The following NXPE2 variants were observed in gnomAD, a reference collection of about 807,000 sequenced individuals.
The protein encoded by NXPE2 is NXPE family member 2.
Under a neutral mutation model 34.4 loss-of-function variants are expected in NXPE2, and 34 were observed. The observed-to-expected ratio is 0.99, with a 90% CI of 0.75 to 1.31. The LOEUF (loss-of-function observed/expected upper bound fraction) is 1.31, where lower values mean the gene tolerates loss of function less well. Ranked by LOEUF, NXPE2 falls within the 40% of genes most tolerant of loss-of-function variation. The pLI is 0.00. For synonymous variants in NXPE2, 235 were observed against 231.3 expected (o/e 1.02, Z -0.15); for missense variants, 649 against 672.5 (o/e 0.97, Z 0.39).
At chr11:114,771,542 G>A in the NXPE2 span, among the ~76,000 whole-genome samples, 1 of 152,112 alleles carries the variant, frequency 6.6e-6, no homozygotes, top group Admixed American at 6.5e-5. Flanking sequence ...TTGGACACAG[G>A]TCAACTGGGA....
At chr11:114,617,753 G>T in the NXPE2 span, among the ~76,000 whole-genome samples, 1 of 152,092 alleles carries the variant, frequency 6.6e-6, no homozygotes, top group African/African-American at 2.4e-5. Context: ...GGTAACCACT[G>T]TTACCATGTG....
chr11:114,621,769 A>T, the NXPE2 span, among the ~76,000 whole-genome samples: 3 of 151,748 alleles, frequency 2.0e-5, no homozygotes, highest in Admixed American at 6.6e-5. Flanking sequence ...GTATTGCCTC[A>T]TGGGTAACCA....
chr11:114,470,986 G>A, the NXPE2 span, among the ~76,000 whole-genome samples: 1 of 152,152 alleles, frequency 6.6e-6, no homozygotes, highest in Non-Finnish European at 1.5e-5. Flanking sequence ...AACCATGACA[G>A]GTTGTTTGTT....
the NXPE2 span, among the ~76,000 whole-genome samples, chr11:114,631,446 T>A: frequency 2.1e-5 from 3 of 145,270 alleles, no homozygotes; most frequent in South Asian, 6.5e-4. Flanking sequence ...CACTGCATAT[T>A]CTCACTCATA....
chr11:114,517,537 GTT>G, the NXPE2 span, among the ~76,000 whole-genome samples: 1 of 152,074 alleles, frequency 6.6e-6, no homozygotes, highest in Non-Finnish European at 1.5e-5. Context: ...TTTATTTTCT[GTT>G]TTATGTCATG....
At chr11:114,639,983 T>C in the NXPE2 span, among the ~76,000 whole-genome samples, 54 of 117,036 alleles carry the variant, frequency 4.6e-4, no homozygotes, top group Non-Finnish European at 7.8e-4. Flanking sequence ...TATAATATAA[T>C]ATAATAATGT....
chr11:114,491,526 T>C, the NXPE2 span, among the ~76,000 whole-genome samples: 1 of 152,026 alleles, frequency 6.6e-6, no homozygotes, highest in Non-Finnish European at 1.5e-5. Flanking sequence ...CTGGAGAGGA[T>C]GTGGAGAAAT....
the NXPE2 span, among the ~76,000 whole-genome samples, chr11:114,772,838 A>G: frequency 6.6e-6 from 1 of 152,212 alleles, no homozygotes; most frequent in East Asian, 1.9e-4. Flanking sequence ...GGCAGGCTTC[A>G]GGCTCATCCC....
the NXPE2 span, among the ~76,000 whole-genome samples, chr11:114,800,990 TTTTGTAGCTC>T: frequency 6.6e-6 from 1 of 152,228 alleles, no homozygotes; most frequent in South Asian, 2.1e-4. Flanking sequence ...TAAGAAACTA[TTTTGTAGCTC>T]TTGCGATCTC....
the NXPE2 span, among the ~76,000 whole-genome samples, chr11:114,757,436 CTCTT>C: frequency 1.3e-5 from 2 of 151,912 alleles, no homozygotes; most frequent in African/African-American, 4.8e-5. Flanking sequence ...GTAACAGAAG[CTCTT>C]TCTTCCTGTT....
At chr11:114,668,616 A>G in the NXPE2 span, among the ~76,000 whole-genome samples, 6 of 152,082 alleles carry the variant, frequency 3.9e-5, no homozygotes, top group Non-Finnish European at 7.4e-5. Context: ...ACAGTATTCT[A>G]GGATCTGCTC....
In NXPE2 at chr11:114,706,624, C is replaced by T; in HGVS notation, c.1374C>T (p.Pro458=). 1 of 1,551,886 alleles carries T rather than the reference C, an allele frequency of 6.4e-7. No homozygotes were observed. ...ITLGQHFRPF[P]INIFIRRAIN... ...TCGGCCAACACTTCAGACCCTTTCC[C>T]ATCAACATTTTCATCCGTAGGGCCA... is the stretch of plus-strand genomic sequence containing the variant. The change falls in exon 6 of 6, where the codon CCC becomes CCT. Residue 458 remains proline (P), a synonymous_variant. Transcript: ENST00000389586.
the NXPE2 span, among the ~76,000 whole-genome samples, chr11:114,514,196 T>C: frequency 1.3e-5 from 2 of 152,226 alleles, no homozygotes; most frequent in African/African-American, 4.8e-5. Context: ...CAGTCATCCA[T>C]TAAGATGGAT....
the NXPE2 span, among the ~76,000 whole-genome samples, chr11:114,656,859 G>T: frequency 6.6e-6 from 1 of 152,068 alleles, no homozygotes; most frequent in Admixed American, 6.6e-5. Flanking sequence ...TTGGGAGGCC[G>T]AGATGGGCAG....
chr11:114,689,466 A>G (rs1951110173), intron 2 of NXPE2, among the ~76,000 whole-genome samples: 2 of 152,024 alleles, frequency 1.3e-5, no homozygotes, highest in South Asian at 2.1e-4. Context: ...TATGATTTCA[A>G]TATTTTTTAA....
At chr11:114,469,236 C>T in the NXPE2 span, among the ~76,000 whole-genome samples, 39,800 of 149,084 alleles carry the variant, frequency 0.27, 5,412 homozygotes, top group East Asian at 0.38. Flanking sequence ...CTCAGCCTCC[C>T]GAGTAGCTGG....
At chr11:114,633,639 A>G in the NXPE2 span, among the ~76,000 whole-genome samples, 1 of 124,120 alleles carries the variant, frequency 8.1e-6, no homozygotes, top group Non-Finnish European at 1.6e-5. Flanking sequence ...AACTGTCCCC[A>G]GAGTGTGATG....
At chr11:114,744,390 A>G in the NXPE2 span, among the ~76,000 whole-genome samples, 4 of 152,220 alleles carry the variant, frequency 2.6e-5, no homozygotes, top group African/African-American at 9.7e-5. Flanking sequence ...ATGGTTTACT[A>G]TAATATCTTA....
At chr11:114,538,671 A>G in the NXPE2 span, among the ~76,000 whole-genome samples, 1 of 152,240 alleles carries the variant, frequency 6.6e-6, no homozygotes, top group Non-Finnish European at 1.5e-5. Flanking sequence ...CAGCCAAAAA[A>G]CACGTGAAAA....
Sources: allele counts gnomAD v4.1 joint callset (sites outside exome capture counted in the v4.1 genomes callset), GRCh38; gene constraint gnomAD v4.1.1; transcripts MANE v1.5; gene names NCBI Gene and HGNC (gene_info 2026-07-23, HGNC 2026-07-21).